The following DDX52 variants were observed in gnomAD, a reference collection of about 807,000 sequenced individuals.
DDX52 encodes probable ATP-dependent RNA helicase DDX52.
Under a neutral mutation model 76.1 loss-of-function variants are expected in DDX52, and 59 were observed. The ratio of observed to expected loss-of-function variants is 0.78; its 90% confidence interval spans 0.63 to 0.96. The LOEUF is 0.96. Among genes scored for constraint, DDX52 ranks in the 40% least tolerant of loss-of-function variants. DDX52 has a pLI of 0.00. For missense variants in DDX52, 707 were observed against 703.9 expected (o/e 1.00, Z -0.05); for synonymous variants, 231 against 244.1 (o/e 0.95, Z 0.50).
rs1246989508 is a variant in DDX52 at position 37,610,860 on chromosome 17, A to G, written c.*3436T>C. On this transcript the variant is annotated 3_prime_UTR_variant, in exon 15 of 15. Coordinates refer to ENST00000617633, the MANE Select transcript of DDX52 (RefSeq NM_007010.5). Reference sequence around the variant, plus strand: ...CTGTAACTGCCTGTTCACTAATTTCACTCCTTCCCTTCCTTGTGTGAAGCT... The same window carrying G: ...CTGTAACTGCCTGTTCACTAATTTCGCTCCTTCCCTTCCTTGTGTGAAGCT... 2 of 151,806 alleles carry G rather than the reference A, an allele frequency of 1.3e-5. No individual in the cohort carries two copies. Among genetic ancestry groups the G allele is most frequent in the Non-Finnish European group, 2.9e-5 (2 of 67,978 alleles). 9.4% of individuals were successfully genotyped at this position (151,806 alleles called of 1,614,324 possible). A position where few individuals can be genotyped will look rare whatever the true frequency, so the allele number is the denominator to read the frequency against.
intron 9 of DDX52, among the ~76,000 whole-genome samples, chr17:37,622,787 C>A (rs1342711012): frequency 6.6e-6 from 1 of 152,082 alleles, no homozygotes; most frequent in African/African-American, 2.4e-5. Context: ...TCCTGGAAAA[C>A]CTTAAATTTC....
rs367580227 is a variant in DDX52, at chr17:37,614,361, G to A, written c.1743-8C>T. 2.5e-6 allele frequency: 4 copies of A among 1,605,048 alleles called. No homozygotes were observed. Among genetic ancestry groups the A allele is most frequent in the South Asian group, 1.1e-5 (1 of 88,756 alleles). ...TGACCAGTGACCTTTTTCCTGTAAA[G>A]AGCAAAGTAAGAAAAATTGAATAAA... On this transcript the variant is annotated splice_region_variant and splice_polypyrimidine_tract_variant and intron_variant, in intron 14 of 14. Transcript: ENST00000617633.
At chr17:37,618,871 G>A (rs2029931719) in intron 13 of DDX52, among the ~76,000 whole-genome samples, 1 of 152,160 alleles carries the variant, frequency 6.6e-6, no homozygotes, top group Non-Finnish European at 1.5e-5. Flanking sequence ...AGGATTTACA[G>A]AGCTAACTCA....
chr17:37,641,423 T>C (rs1372574216), intron 2 of DDX52, among the ~76,000 whole-genome samples: 1 of 150,480 alleles, frequency 6.6e-6, no homozygotes. Context: ...ATGCTCGACC[T>C]CACCAGTTAT....
At chr17:37,621,547 A>C (rs1014790212) in intron 9 of DDX52, 27 bp from the exon 10 acceptor site, 1 of 1,590,812 alleles carries the variant, frequency 6.3e-7, no homozygotes, top group Non-Finnish European at 8.5e-7. Flanking sequence ...ATTGGCATAC[A>C]TAACTCAATC....
intron 5 of DDX52, among the ~76,000 whole-genome samples, chr17:37,629,007 C>G (rs1379372447): frequency 6.6e-6 from 1 of 152,082 alleles, no homozygotes; most frequent in Non-Finnish European, 1.5e-5. Flanking sequence ...CACTTGAGGC[C>G]AGGAGTTCCA....
intron 14 of DDX52, among the ~76,000 whole-genome samples, chr17:37,615,485 C>G (rs2064413996): frequency 6.6e-6 from 1 of 152,060 alleles, no homozygotes; most frequent in African/African-American, 2.4e-5. Flanking sequence ...TGAGACCAGC[C>G]TGGGCAATAT....
chr17:37,641,716 A>ACTC (rs1426032084), intron 2 of DDX52, among the ~76,000 whole-genome samples: 1 of 152,050 alleles, frequency 6.6e-6, no homozygotes, highest in Non-Finnish European at 1.5e-5. Context: ...CAGCCTGGAG[A>ACTC]CAGAGTGAGA....
In DDX52 at chr17:37,643,104, C is replaced by T. The variant is rs183045377; in HGVS notation, c.87+230G>A. The T allele has an allele frequency of 1.7e-3, 672 of 404,928 alleles. 1 individual carries two copies. The highest frequency in any genetic ancestry group is 2.5e-3 in the Non-Finnish European group (579 of 228,680). 25.1% of individuals were successfully genotyped at this position (404,928 alleles called of 1,614,324 possible). A position where few individuals can be genotyped will look rare whatever the true frequency, so the allele number is the denominator to read the frequency against. On this transcript the variant is annotated intron_variant, in intron 1 of 14. Coordinates refer to ENST00000617633, the MANE Select transcript of DDX52 (RefSeq NM_007010.5). ...AATAAGAGGGAGGAAAGAGGGTTTC[C>T]GTGCCAGGCCCAACTAGGTCTACAA...
At position 37,610,448 on chromosome 17, in the gene DDX52, T is replaced by C. The variant is rs945613566; in HGVS notation, c.*3848A>G. 6.6e-6 allele frequency: 1 copy of C among 151,986 alleles called. No individual in the cohort carries two copies. The highest frequency in any genetic ancestry group is 1.5e-5 in the Non-Finnish European group (1 of 67,988). The allele number at this position is 151,986 out of a possible 1,614,324, so 9.4% of individuals were successfully genotyped here. A position where few individuals can be genotyped will look rare whatever the true frequency, so the allele number is the denominator to read the frequency against. On this transcript the variant is annotated 3_prime_UTR_variant, in exon 15 of 15. Transcript: ENST00000617633. ...GCTGTGATTTTTTTTTTTCTTTTAATCAAACTACTGTCTGGAAGTAAAACA... is the reference window on the plus strand; with the variant it reads ...GCTGTGATTTTTTTTTTTCTTTTAACCAAACTACTGTCTGGAAGTAAAACA...
At chr17:37,632,770 T>A (rs1258769281) in intron 3 of DDX52, among the ~76,000 whole-genome samples, 2 of 152,178 alleles carry the variant, frequency 1.3e-5, no homozygotes, top group African/African-American at 4.8e-5. Flanking sequence ...GCCATAGTAA[T>A]CCCTGAAGTG....
In DDX52 at chr17:37,621,352, A is replaced by C. The variant is rs571092309; in HGVS notation, c.1350+46T>G. On this transcript the variant is annotated intron_variant, in intron 10 of 14. Coordinates refer to ENST00000617633, the MANE Select transcript of DDX52 (RefSeq NM_007010.5). ...TCATAAATTTAATGTCAATAGTTTAAAATCAAGTAGTTCTTCTGAGTTTCA... is the reference window on the plus strand; with the variant it reads ...TCATAAATTTAATGTCAATAGTTTACAATCAAGTAGTTCTTCTGAGTTTCA... 6 of 1,598,042 alleles carry C rather than the reference A, an allele frequency of 3.8e-6. No individual in the cohort carries two copies. The Admixed American group carries it at 7.1e-5, about 19-fold the overall frequency.
chr17:37,620,126 A>T, intron 12 of DDX52: 1 of 332,390 alleles, frequency 3.0e-6, no homozygotes, highest in Non-Finnish European at 5.5e-6. Flanking sequence ...GCACTGACTG[A>T]AGCCAGAGTC....
Position 37,621,310 on chromosome 17 carries a change from G to A in DDX52, c.1351-33C>T, listed in dbSNP as rs757902812. On this transcript the variant is annotated intron_variant, in intron 10 of 14. Transcript: ENST00000617633. ...ACAGAATATATATTAAATTGTTTTAGAATGAAAACAGGTACTTCATAAATT... is the reference window on the plus strand; with the variant it reads ...ACAGAATATATATTAAATTGTTTTAAAATGAAAACAGGTACTTCATAAATT... 3.8e-6 allele frequency: 6 copies of A among 1,593,474 alleles called. No individual in the cohort carries two copies. In the Admixed American group the frequency reaches 7.2e-5, roughly 19 times the overall value.
chr17:37,621,480 T>TC lies in DDX52; in HGVS notation c.1267dup (p.Glu423GlyfsTer4). 6.2e-7 allele frequency: 1 copy of TC among 1,613,608 alleles called. No homozygotes were observed. The highest frequency in any genetic ancestry group is 1.7e-5 in the Admixed American group (1 of 59,976). On this transcript the variant is annotated frameshift_variant, in exon 10 of 15. Coordinates refer to ENST00000617633, the MANE Select transcript of DDX52 (RefSeq NM_007010.5). LOFTEE classifies it high-confidence loss of function. ...CTCATGAAAAAGTTCTTTAGCCCTT[T>TC]CAATGGACTGAACAAAAACAAGAAC... is the stretch of plus-strand genomic sequence containing the variant.
chr17:37,630,649 T>G (rs7214909), intron 4 of DDX52, among the ~76,000 whole-genome samples: 9,141 of 151,196 alleles, frequency 0.06, 581 homozygotes, highest in East Asian at 0.3. Flanking sequence ...GTTTTTTTTT[T>G]TTTTTTTTTT....
intron 2 of DDX52, among the ~76,000 whole-genome samples, chr17:37,636,050 T>G (rs575542247): frequency 6.6e-6 from 1 of 152,368 alleles, no homozygotes; most frequent in East Asian, 1.9e-4. Flanking sequence ...ATCTGTGGCT[T>G]GCCTTTTCAT....
Position 37,619,851 on chromosome 17 carries a change from A to T in DDX52, c.1578-12T>A, listed in dbSNP as rs1184943770. ...TAACATTAGCAACGCTGAAAAAGAA[A>T]CCCATAAACATAAACTTGTATCTTT... On this transcript the variant is annotated splice_polypyrimidine_tract_variant and intron_variant, in intron 12 of 14. Transcript: ENST00000617633. 1 of 1,611,618 alleles carries T rather than the reference A, an allele frequency of 6.2e-7. No individual in the cohort carries two copies. Among genetic ancestry groups the T allele is most frequent in the African/African-American group, 1.3e-5 (1 of 74,630 alleles).
chr17:37,619,186 C>G (rs1016885311), intron 13 of DDX52, among the ~76,000 whole-genome samples: 4 of 152,110 alleles, frequency 2.6e-5, no homozygotes, highest in Non-Finnish European at 5.9e-5. Flanking sequence ...TGAGACCAGC[C>G]TGGCCAACAT....
Sources: gnomAD v4.1 joint callset for allele counts (sites outside exome capture counted in the v4.1 genomes callset) on GRCh38, gnomAD v4.1.1 for gene constraint, MANE v1.5 for transcripts, NCBI Gene and HGNC (gene_info 2026-07-23, HGNC 2026-07-21) for gene names.